NXPH1: variants seen among roughly 807,000 people sequenced by gnomAD.
The protein encoded by NXPH1 is neurexophilin 1.
Under a neutral mutation model 23.7 loss-of-function variants are expected in NXPH1, and 5 were observed. The observed-to-expected ratio is 0.21, with a 90% confidence interval of 0.11 to 0.44. NXPH1 has a LOEUF of 0.44. Ranked by LOEUF, NXPH1 falls within the 20% of genes least tolerant of loss-of-function variation. NXPH1 has a pLI of 0.99. For missense variants in NXPH1, 324 were observed against 321.6 expected (o/e 1.01, Z -0.06); for synonymous variants, 144 against 122.2 (o/e 1.18, Z -1.18).
intron 2 of NXPH1, among the ~76,000 whole-genome samples, chr7:8,741,647 T>G (rs1022913928): frequency 6.6e-6 from 1 of 152,158 alleles, no homozygotes; most frequent in African/African-American, 2.4e-5. Flanking sequence ...CAGGAAGGAA[T>G]GTATTTTTGA....
At chr7:8,735,033 C>G (rs201076220) in intron 2 of NXPH1, among the ~76,000 whole-genome samples, 26 of 152,096 alleles carry the variant, frequency 1.7e-4, no homozygotes, top group African/African-American at 1.2e-4. Context: ...AGCTTAAGGA[C>G]ATTTTGGGCT....
At chr7:8,472,559 C>G (rs1413964663) in intron 2 of NXPH1, among the ~76,000 whole-genome samples, 4 of 152,094 alleles carry the variant, frequency 2.6e-5, no homozygotes, top group African/African-American at 9.7e-5. Context: ...GTCAGAGACT[C>G]CAGGATCTGG....
chr7:8,614,521 G>A (rs951604464), intron 2 of NXPH1, among the ~76,000 whole-genome samples: 4 of 151,820 alleles, frequency 2.6e-5, no homozygotes, highest in African/African-American at 7.2e-5. Context: ...ATACATACAC[G>A]TTTAGAAATA....
At chr7:8,479,351 A>T (rs573234544) in intron 2 of NXPH1, among the ~76,000 whole-genome samples, 8 of 152,230 alleles carry the variant, frequency 5.3e-5, no homozygotes, top group African/African-American at 1.7e-4. Context: ...TAATTATGTG[A>T]TTTTCTAATT....
chr7:8,589,954 C>A (rs1819058414), intron 2 of NXPH1, among the ~76,000 whole-genome samples: 1 of 152,070 alleles, frequency 6.6e-6, no homozygotes, highest in Non-Finnish European at 1.5e-5. Context: ...ATTTCAAGTG[C>A]CCAATAACCA....
intron 2 of NXPH1, among the ~76,000 whole-genome samples, chr7:8,651,050 C>T (rs1032794171): frequency 1.3e-5 from 2 of 150,244 alleles, no homozygotes; most frequent in Admixed American, 6.6e-5. Flanking sequence ...TATACATGTG[C>T]CATGCTGGTG....
In NXPH1 at chr7:8,471,540, C is replaced by T. The variant is rs1816872083; in HGVS notation, c.54+35773C>T. Reference sequence around the variant, plus strand: ...GGTTGTAAATACAACAGCAGACAACCTCCCTTAGGAACTCATTTTGTTGCT... The same window carrying T: ...GGTTGTAAATACAACAGCAGACAACTTCCCTTAGGAACTCATTTTGTTGCT... On this transcript the variant is annotated intron_variant, in intron 2 of 2. Coordinates refer to ENST00000405863, the MANE Select transcript of NXPH1 (RefSeq NM_152745.3). Among the ~76,000 whole-genome samples, 3 of 152,104 alleles carry T rather than the reference C, an allele frequency of 2.0e-5. No individual in the cohort carries two copies. The South Asian group carries it at 6.2e-4, about 31-fold the overall frequency.
chr7:8,576,456 C>T (rs568085641), intron 2 of NXPH1, among the ~76,000 whole-genome samples: 7 of 152,226 alleles, frequency 4.6e-5, no homozygotes, highest in Non-Finnish European at 1.0e-4. Context: ...TCTACTGAAG[C>T]GCAAGGAAAC....
At chr7:8,475,310 G>C (rs1003618016) in intron 2 of NXPH1, among the ~76,000 whole-genome samples, 1 of 151,904 alleles carries the variant, frequency 6.6e-6, no homozygotes, top group African/African-American at 2.4e-5. Context: ...TTTCCTTTGA[G>C]GTTTACCTTT....
intron 2 of NXPH1, among the ~76,000 whole-genome samples, chr7:8,512,149 C>A (rs536675205): frequency 1.3e-5 from 2 of 152,204 alleles, no homozygotes; most frequent in African/African-American, 4.8e-5. Flanking sequence ...TGGCTCCTCT[C>A]CAAATACAGC....
At chr7:8,674,196 C>T (rs1452652934) in intron 2 of NXPH1, among the ~76,000 whole-genome samples, 1 of 143,962 alleles carries the variant, frequency 6.9e-6, no homozygotes, top group Non-Finnish European at 1.5e-5. Flanking sequence ...CACACACACA[C>T]ACACACACCT....
rs551430500 is a variant in NXPH1, at chr7:8,653,944, C to T, written c.55-97064C>T. 5.3e-4 allele frequency among the ~76,000 whole-genome samples: 80 copies of T among 152,286 alleles called. No homozygotes were observed. The Middle Eastern group carries it at 0.01, about 19-fold the overall frequency. On this transcript the variant is annotated intron_variant, in intron 2 of 2. Coordinates refer to ENST00000405863, the MANE Select transcript of NXPH1 (RefSeq NM_152745.3). ...AGAAAAATGTAGATTAAAAGTGGCACTATTAATGTAAGAGTTAACTTTGCT... is the reference window on the plus strand; with the variant it reads ...AGAAAAATGTAGATTAAAAGTGGCATTATTAATGTAAGAGTTAACTTTGCT...
At chr7:8,547,785 C>T (rs773637990) in intron 2 of NXPH1, among the ~76,000 whole-genome samples, 48 of 151,476 alleles carry the variant, frequency 3.2e-4, no homozygotes, top group Non-Finnish European at 6.5e-4. Flanking sequence ...GTTCACTTAG[C>T]ATAATGACCT....
intron 2 of NXPH1, among the ~76,000 whole-genome samples, chr7:8,459,303 T>A (rs899794610): frequency 6.6e-6 from 1 of 152,162 alleles, no homozygotes; most frequent in African/African-American, 2.4e-5. Flanking sequence ...CACTGGATTT[T>A]ACAAATTAAA....
intron 2 of NXPH1, among the ~76,000 whole-genome samples, chr7:8,523,797 C>G (rs1584210187): frequency 6.6e-6 from 1 of 152,182 alleles, no homozygotes; most frequent in Non-Finnish European, 1.5e-5. Flanking sequence ...AGCTTCCCCT[C>G]ACTCCTCACC....
chr7:8,730,689 G>A (rs1363324974), intron 2 of NXPH1, among the ~76,000 whole-genome samples: 32 of 152,168 alleles, frequency 2.1e-4, no homozygotes, highest in African/African-American at 5.8e-4. Context: ...TCTGGCTTGC[G>A]GAGTTTCTGC....
At chr7:8,708,478 A>G (rs1196315472) in intron 2 of NXPH1, among the ~76,000 whole-genome samples, 1 of 152,044 alleles carries the variant, frequency 6.6e-6, no homozygotes, top group Non-Finnish European at 1.5e-5. Flanking sequence ...CTCTTGCCTT[A>G]GCCTCCCGTG....
At chr7:8,652,099 T>C (rs1449317111) in intron 2 of NXPH1, among the ~76,000 whole-genome samples, 1 of 152,162 alleles carries the variant, frequency 6.6e-6, no homozygotes, top group Non-Finnish European at 1.5e-5. Flanking sequence ...ACTTATTCAC[T>C]TTCTGGAGCA....
intron 2 of NXPH1, among the ~76,000 whole-genome samples, chr7:8,680,825 G>A (rs1475541702): frequency 6.6e-6 from 1 of 152,182 alleles, no homozygotes; most frequent in Non-Finnish European, 1.5e-5. Flanking sequence ...TCTTTTATAT[G>A]CAATAAAGTG....
Sources: gnomAD v4.1 joint callset for allele counts (sites outside exome capture counted in the v4.1 genomes callset) on GRCh38, gnomAD v4.1.1 for gene constraint, MANE v1.5 for transcripts, NCBI Gene and HGNC (gene_info 2026-07-23, HGNC 2026-07-21) for gene names.